CARMIL2: variants seen among roughly 807,000 people sequenced by gnomAD.
CARMIL2 encodes capping protein, Arp2/3 and myosin-I linker protein 2.
A neutral mutation model predicts 173.3 loss-of-function variants in CARMIL2; 96 were observed. That is an observed-to-expected ratio of 0.55 (90% CI 0.47 to 0.66). The LOEUF (loss-of-function observed/expected upper bound fraction) is 0.66, where lower values mean the gene tolerates loss of function less well. CARMIL2 is among the 30% of genes least tolerant of loss of function. The pLI is 0.00. For synonymous variants in CARMIL2, 830 were observed against 817.1 expected (o/e 1.02, Z -0.27); for missense variants, 1,771 against 1,906.7 (o/e 0.93, Z 1.33).
chr16:67,648,718 C>G lies in CARMIL2; in HGVS notation c.1473C>G (p.His491Gln), dbSNP rs759932806. 8 of 1,607,712 alleles carry G rather than the reference C, an allele frequency of 5.0e-6. No individual in the cohort carries two copies. The highest frequency in any genetic ancestry group is 1.1e-5 in the South Asian group (1 of 89,750). Reference sequence around the variant, plus strand: ...TGGATGGCCTCGCGCTCAACACGCACCTCCGCGACCTGCACCTGGACCTCA... The same window carrying G: ...TGGATGGCCTCGCGCTCAACACGCAGCTCCGCGACCTGCACCTGGACCTCA... ...ALLDGLALNT[H>Q]LRDLHLDLSA... Residue 491 changes from histidine to glutamine, a missense_variant, in exon 16 of 38, where the codon CAC (histidine) becomes CAG (glutamine). His to Gln is a conservative substitution (Grantham distance 24). Coordinates refer to ENST00000334583, the MANE Select transcript of CARMIL2 (RefSeq NM_001013838.3). The surrounding 1 kb of genome is among the most constrained non-coding windows in gnomAD (Gnocchi z 6.1).
At position 67,648,318 on chromosome 16, in the gene CARMIL2, AG is replaced by A; in HGVS notation, c.1334+9del. 6.3e-7 allele frequency: 1 copy of A among 1,585,816 alleles called. No homozygotes were observed. Among genetic ancestry groups the A allele is most frequent in the Non-Finnish European group, 8.5e-7 (1 of 1,173,916 alleles). On this transcript the variant is annotated splice_donor_5th_base_variant and intron_variant, in intron 14 of 37. Coordinates refer to ENST00000334583, the MANE Select transcript of CARMIL2 (RefSeq NM_001013838.3). The surrounding 1 kb of genome is among the most constrained non-coding windows in gnomAD (Gnocchi z 6.1). ...CGAGGAACGTCTTCTCCCGCACGTA[AG>A]GGGGACCTGTCGGGGCCGGGGGAGG... is the stretch of plus-strand genomic sequence containing the variant.
In CARMIL2 at chr16:67,648,787, T is replaced by C. The variant is rs375376933; in HGVS notation, c.1509+33T>C. 61 of 1,580,666 alleles carry C rather than the reference T, an allele frequency of 3.9e-5. No individual in the cohort carries two copies. Among genetic ancestry groups the C allele is most frequent in the Non-Finnish European group, 5.1e-5 (59 of 1,163,954 alleles). On this transcript the variant is annotated intron_variant, in intron 16 of 37. Transcript: ENST00000334583. The surrounding 1 kb of genome is among the most constrained non-coding windows in gnomAD (Gnocchi z 6.1). ...CCGGCCCCCAGAAGAGACCACACAT[T>C]GGGAGAGGCGCTGGGAGGCGGAAGG... is the stretch of plus-strand genomic sequence containing the variant.
chr16:67,645,426 CCT>C, intron 1 of CARMIL2, 112 bp from the exon 2 acceptor site: 2 of 1,355,000 alleles, frequency 1.5e-6, no homozygotes, highest in Non-Finnish European at 2.1e-6. Flanking sequence ...GATCCTCTCC[CCT>C]CCTTCCTCGC....
chr16:67,650,248 A>G (rs1394597494), intron 22 of CARMIL2, 98 bp downstream of exon 22: 2 of 1,001,626 alleles, frequency 2.0e-6, no homozygotes, highest in East Asian at 5.2e-5. Flanking sequence ...TCCTGGGGCC[A>G]GGGTGCCTGA....
chr16:67,656,744 C>A, intron 35 of CARMIL2, 57 bp from the exon 36 acceptor site: 1 of 1,555,808 alleles, frequency 6.4e-7, no homozygotes, highest in Non-Finnish European at 8.7e-7. Context: ...GGGTGGGAGG[C>A]AAGGGCTGGA....
intron 22 of CARMIL2, chr16:67,650,529 T>C (rs1024299374): frequency 3.8e-6 from 1 of 264,588 alleles, no homozygotes; most frequent in Admixed American, 5.0e-5. Flanking sequence ...CTACCTTATC[T>C]GTTGGAGATG....
At position 67,657,259 on chromosome 16, in the gene CARMIL2, C is replaced by T. The variant is rs981839922; in HGVS notation, c.4138C>T (p.Arg1380Cys). The change falls in exon 37 of 38, where the codon CGC (arginine) becomes TGC (cysteine). Residue 1380 changes from arginine to cysteine, a missense_variant. Arg to Cys is a radical substitution (Grantham distance 180). This residue lies in a region of CARMIL2 where 817 missense variants were observed against 903.5 expected (regional missense o/e 0.90). Transcript: ENST00000334583. The surrounding 1 kb of genome is among the most constrained non-coding windows in gnomAD (Gnocchi z 4.5). ...APAERPLRLQ[R>C]SPVLKRRPKL... is the part of the protein sequence containing the mutation. The stretch of plus-strand genomic sequence containing the variant: ...CTTAGAACGGCCCCTGAGGCTGCAG[C>T]GCTCCCCCGTCCTCAAACGCAGGCC... 65 of 1,613,580 alleles carry T rather than the reference C, an allele frequency of 4.0e-5. No homozygotes were observed. The highest frequency in any genetic ancestry group is 5.2e-5 in the Non-Finnish European group (61 of 1,179,796).
chr16:67,645,229 C>A lies in CARMIL2; in HGVS notation c.-18C>A. On this transcript the variant is annotated 5_prime_UTR_variant, in exon 1 of 38. Transcript: ENST00000334583. ...TTTCCCGCCGGAGCTCGTTGGGCCT[C>A]CCCGGCCCGCCCGGCCCATGGCCCA... The A allele has an allele frequency of 6.3e-7, 1 of 1,575,436 alleles. No individual in the cohort carries two copies. Among genetic ancestry groups the A allele is most frequent in the East Asian group, 2.3e-5 (1 of 43,120 alleles).
Position 67,645,631 on chromosome 16 carries a change from G to A in CARMIL2, c.132G>A (p.Leu44=), listed in dbSNP as rs2052579248. ...PGEGAVQNHV[L]ALLRWRAYLL... The stretch of plus-strand genomic sequence containing the variant: ...AGGGTGCTGTGCAAAACCATGTCCT[G>A]GTATGGGGCAGGGGACAGAGCCGGG... The change falls in exon 2 of 38, where the codon CTG becomes CTA. Residue 44 remains leucine, a splice_region_variant and synonymous_variant. Transcript: ENST00000334583. The A allele has an allele frequency of 6.2e-7, 1 of 1,613,448 alleles. No homozygotes were observed. Among genetic ancestry groups the A allele is most frequent in the Non-Finnish European group, 8.5e-7 (1 of 1,179,830 alleles).
chr16:67,647,580 G>C lies in CARMIL2; in HGVS notation c.849G>C (p.Ala283=). 3.7e-6 allele frequency: 6 copies of C among 1,610,904 alleles called. No homozygotes were observed. The highest frequency in any genetic ancestry group is 5.1e-6 in the Non-Finnish European group (6 of 1,178,802). The part of the protein sequence containing the change: ...SSSGLRELSL[A]GNLLDDRGMT... ...CTGGGCTGCGGGAGCTCAGCCTCGC[G>C]GGGAACCTGCTGGATGACCGAGGTA... The change falls in exon 11 of 38, where the codon GCG becomes GCC. Residue 283 remains alanine (A), a synonymous_variant. Coordinates refer to ENST00000334583, the MANE Select transcript of CARMIL2 (RefSeq NM_001013838.3).
chr16:67,655,736 G>C (rs2052833868), intron 32 of CARMIL2, among the ~76,000 whole-genome samples: 1 of 152,112 alleles, frequency 6.6e-6, no homozygotes, highest in African/African-American at 2.4e-5. Flanking sequence ...TCTCCTCTGT[G>C]GGCCACCCTG....
Position 67,651,901 on chromosome 16 carries a change from C to T in CARMIL2, c.2589-20C>T. On this transcript the variant is annotated intron_variant, in intron 25 of 37. Coordinates refer to ENST00000334583, the MANE Select transcript of CARMIL2 (RefSeq NM_001013838.3). The surrounding 1 kb of genome is among the most constrained non-coding windows in gnomAD (Gnocchi z 4.2). ...CTGAGCAAAGCCAGCCCATTAACCC[C>T]TGTCCTCTCCTGCCCTTAGGGACAT... 1 of 1,613,286 alleles carries T rather than the reference C, an allele frequency of 6.2e-7. No individual in the cohort carries two copies. The highest frequency in any genetic ancestry group is 8.5e-7 in the Non-Finnish European group (1 of 1,179,740).
rs1275465134 is a variant in CARMIL2 at position 67,647,703 on chromosome 16, C to A, written c.895C>A (p.Leu299Ile). 1.3e-6 allele frequency: 2 copies of A among 1,599,588 alleles called. No homozygotes were observed. Among genetic ancestry groups the A allele is most frequent in the Admixed American group, 3.4e-5 (2 of 58,034 alleles). The part of the protein sequence containing the change: ...DRGMTALSRH[L>I]ERCPGALRRL... The stretch of plus-strand genomic sequence containing the variant: ...AGGCATGACTGCACTCAGCAGACAC[C>A]TCGAGCGTTGTCCAGGAGCCCTGAG... The change falls in exon 12 of 38, where the codon CTC becomes ATC. Residue 299 changes from leucine (L) to isoleucine (I), a missense_variant. Coordinates refer to ENST00000334583, the MANE Select transcript of CARMIL2 (RefSeq NM_001013838.3).
rs1321012156 is a variant in CARMIL2, at chr16:67,646,306, C to T, written c.370C>T (p.Leu124Phe). Residue 124 changes from leucine (L) to phenylalanine (F), a missense_variant, in exon 5 of 38, where the codon CTT becomes TTT. Leu to Phe is a conservative substitution (Grantham distance 22). Coordinates refer to ENST00000334583, the MANE Select transcript of CARMIL2 (RefSeq NM_001013838.3). This position sits in a 1 kb window ranked among gnomAD's most constrained non-coding sequence, Gnocchi z 4.6. ...CAAGAAGGTCTTCCCTCGCTCGACCCTTGGGTGAGGCCTGGCAAATTCGAG... is the reference window on the plus strand; with the variant it reads ...CAAGAAGGTCTTCCCTCGCTCGACCTTTGGGTGAGGCCTGGCAAATTCGAG... Reference protein sequence around the residue: ...AIKKVFPRSTLGKLFRRPTPA... With the variant: ...AIKKVFPRSTFGKLFRRPTPA... 1.9e-6 allele frequency: 3 copies of T among 1,613,118 alleles called. No individual in the cohort carries two copies. Among genetic ancestry groups the T allele is most frequent in the Non-Finnish European group, 2.5e-6 (3 of 1,179,578 alleles).
chr16:67,650,120 A>G lies in CARMIL2; in HGVS notation c.2154A>G (p.Pro718=). ...ASSDHTTRLQ[P]LGLVSDPSEQ... ...CTGACCACACGACCCGCCTTCAGCCACTTGGTCTGGTCTCAGACCCCTCAG... is the reference window on the plus strand; with the variant it reads ...CTGACCACACGACCCGCCTTCAGCCGCTTGGTCTGGTCTCAGACCCCTCAG... The change falls in exon 22 of 38, where the codon CCA becomes CCG. Residue 718 remains proline, a synonymous_variant. Transcript: ENST00000334583. 6.2e-7 allele frequency: 1 copy of G among 1,613,276 alleles called. No individual in the cohort carries two copies. Among genetic ancestry groups the G allele is most frequent in the Non-Finnish European group, 8.5e-7 (1 of 1,179,738 alleles).
Position 67,656,625 on chromosome 16 carries a change from G to T in CARMIL2, c.4016G>T (p.Cys1339Phe), listed in dbSNP as rs200963103. ...PDSLGLPEDP[C>F]LGPRNEDGQL... ...AGCCTGGGCCTCCCAGAGGACCCTT[G>T]CTTGGGCCCCAGAAATGAAGGTAGG... Residue 1339 changes from cysteine (C) to phenylalanine (F), a missense_variant, in exon 35 of 38, where the codon TGC (cysteine) becomes TTC (phenylalanine). Transcript: ENST00000334583. 1 of 1,595,020 alleles carries T rather than the reference G, an allele frequency of 6.3e-7. No individual in the cohort carries two copies.
rs1157423800 is a variant in CARMIL2 at position 67,653,445 on chromosome 16, T to TGGGTGTGCGGGTTCCGTTCG, written c.3120+200_3120+219dup. ...CCCAGGCCATGCCTGTGCGGGACCA[T>TGGGTGTGCGGGTTCCGTTCG]GGGTGTGCGGGTTCCGTTCGGGGTG... On this transcript the variant is annotated intron_variant, in intron 29 of 37. Transcript: ENST00000334583. This position sits in a 1 kb window ranked among gnomAD's most constrained non-coding sequence, Gnocchi z 7.4. 2.0e-5 allele frequency among the ~76,000 whole-genome samples: 3 copies of TGGGTGTGCGGGTTCCGTTCG among 151,742 alleles called. No individual in the cohort carries two copies. Among genetic ancestry groups the TGGGTGTGCGGGTTCCGTTCG allele is most frequent in the African/African-American group, 7.2e-5 (3 of 41,406 alleles).
At position 67,653,257 on chromosome 16, in the gene CARMIL2, G is replaced by A. The variant is rs1172986384; in HGVS notation, c.3120+3G>A. 1.9e-5 allele frequency: 22 copies of A among 1,135,950 alleles called. No individual in the cohort carries two copies. The highest frequency in any genetic ancestry group is 2.4e-5 in the Non-Finnish European group (22 of 923,748). The allele number at this position is 1,135,950 out of a possible 1,614,324, so 70.4% of individuals were successfully genotyped here. A position where few individuals can be genotyped will look rare whatever the true frequency, so the allele number is the denominator to read the frequency against. On this transcript the variant is annotated splice_donor_region_variant and intron_variant, in intron 29 of 37. Transcript: ENST00000334583. This position sits in a 1 kb window ranked among gnomAD's most constrained non-coding sequence, Gnocchi z 7.4. ...GCCCGCCGCCGGGGGGCCCCCAGGT[G>A]AGCACCCTTCCCCCACTCCGGAGCG...
Position 67,651,179 on chromosome 16 carries a change from C to T in CARMIL2, c.2185-8C>T, listed in dbSNP as rs777928830. ...GCTAGGCTGAGACTGATCCCCATTT[C>T]GCCCCAGGAAGTGAATGAATTGTGT... On this transcript the variant is annotated splice_region_variant and splice_polypyrimidine_tract_variant and intron_variant, in intron 22 of 37. Transcript: ENST00000334583. The surrounding 1 kb of genome is among the most constrained non-coding windows in gnomAD (Gnocchi z 4.2). 35 of 1,611,600 alleles carry T rather than the reference C, an allele frequency of 2.2e-5. No individual in the cohort carries two copies. The highest frequency in any genetic ancestry group is 8.4e-5 in the Admixed American group (5 of 59,790).
Sources: gnomAD v4.1 joint callset for allele counts (sites outside exome capture counted in the v4.1 genomes callset) on GRCh38, gnomAD v4.1.1 for gene constraint, gnomAD v4.1.1 regional missense constraint, Gnocchi (gnomAD v3.1) non-coding constraint, MANE v1.5 for transcripts, NCBI Gene and HGNC (gene_info 2026-07-23, HGNC 2026-07-21) for gene names.